RERE: variants seen among roughly 807,000 people sequenced by gnomAD.
RERE encodes arginine-glutamic acid dipeptide repeats protein.
RERE carries 40 observed loss-of-function variants against 146.1 expected under a neutral mutation model. That is an observed-to-expected ratio of 0.27 (90% CI 0.21 to 0.36). RERE has a LOEUF of 0.36. Among genes scored for constraint, RERE ranks in the 10% least tolerant of loss-of-function variants. The pLI, the probability that RERE is intolerant of heterozygous loss-of-function variation, is 1.00. For synonymous variants in RERE, 1,003 were observed against 866.0 expected (o/e 1.16, Z -2.78); for missense variants, 1,933 against 2,138.7 (o/e 0.90, Z 1.90).
chr1:8,806,841 C>T lies in RERE; in HGVS notation c.-145+10319G>A, dbSNP rs114248904. On this transcript the variant is annotated intron_variant, in intron 1 of 22. Transcript: ENST00000400908. ...TGCTTCAGGCTACAATATGAGAGTA[C>T]AATGTGACTAGACTTCAGCTTTGCT... The T allele has an allele frequency of 1.8e-3, 279 of 152,258 alleles. 2 individuals carry two copies. Among genetic ancestry groups the T allele is most frequent in the African/African-American group, 6.5e-3 (270 of 41,544 alleles). 9.4% of individuals were successfully genotyped at this position (152,258 alleles called of 1,614,324 possible).
At chr1:8,488,475 AC>A (rs1254241902) in intron 10 of RERE, among the ~76,000 whole-genome samples, 1 of 152,058 alleles carries the variant, frequency 6.6e-6, no homozygotes, top group African/African-American at 2.4e-5. Flanking sequence ...CAAACTCCTG[AC>A]CTCAGGCGAT....
intron 12 of RERE, among the ~76,000 whole-genome samples, chr1:8,369,829 T>A (rs940786241): frequency 1.2e-4 from 18 of 152,182 alleles, no homozygotes; most frequent in Non-Finnish European, 2.2e-4. Flanking sequence ...TTGCTCTGTC[T>A]CCCAGGCTGG....
intron 1 of RERE, among the ~76,000 whole-genome samples, chr1:8,771,134 G>GA (rs200422927): frequency 6.6e-6 from 1 of 152,110 alleles, no homozygotes; most frequent in Non-Finnish European, 1.5e-5. Context: ...GCTGGGGGGG[G>GA]AAAATGTAAT....
At chr1:8,606,232 G>C (rs1231617842) in intron 4 of RERE, among the ~76,000 whole-genome samples, 1 of 152,038 alleles carries the variant, frequency 6.6e-6, no homozygotes, top group Non-Finnish European at 1.5e-5. Context: ...AGGTGACAAA[G>C]AACATTTTTA....
intron 6 of RERE, among the ~76,000 whole-genome samples, chr1:8,547,234 C>T (rs1645875029): frequency 6.6e-6 from 1 of 151,926 alleles, no homozygotes; most frequent in South Asian, 2.1e-4. Context: ...AACAAAAAAG[C>T]AAGTACAAAA....
chr1:8,428,216 TCTG>T (rs1644044024), intron 11 of RERE, among the ~76,000 whole-genome samples: 1 of 152,194 alleles, frequency 6.6e-6, no homozygotes, highest in African/African-American at 2.4e-5. Context: ...GCTGGGCAGC[TCTG>T]CTGTTTATGC....
intron 11 of RERE, chr1:8,434,827 C>G (rs1429380784): frequency 6.6e-6 from 1 of 152,244 alleles, no homozygotes; most frequent in Non-Finnish European, 1.5e-5. Context: ...CCTAGCTATT[C>G]TAGTCCCCAG....
intron 7 of RERE, among the ~76,000 whole-genome samples, chr1:8,527,937 A>G (rs1176016983): frequency 1.3e-5 from 2 of 152,198 alleles, no homozygotes; most frequent in Non-Finnish European, 1.5e-5. Flanking sequence ...TCAGAAATGC[A>G]GGAGCCCCCG....
intron 1 of RERE, among the ~76,000 whole-genome samples, chr1:8,782,295 C>T (rs963554445): frequency 6.6e-6 from 1 of 152,050 alleles, no homozygotes; most frequent in African/African-American, 2.4e-5. Context: ...TTCCAGGATG[C>T]CATATAATAT....
intron 1 of RERE, chr1:8,703,236 G>C (rs1639493369): frequency 6.6e-6 from 1 of 150,482 alleles, no homozygotes; most frequent in Non-Finnish European, 1.5e-5. Context: ...ACCGCGGCGC[G>C]GGCGCAGGTC....
intron 1 of RERE, among the ~76,000 whole-genome samples, chr1:8,731,809 G>C (rs942465486): frequency 6.8e-6 from 1 of 146,724 alleles, no homozygotes; most frequent in Non-Finnish European, 1.5e-5. Context: ...TGTTTGTTTT[G>C]TTTTGTTTTT....
At chr1:8,501,753 G>C (rs1424496079) in intron 8 of RERE, among the ~76,000 whole-genome samples, 1 of 128,604 alleles carries the variant, frequency 7.8e-6, no homozygotes, top group South Asian at 2.5e-4. Flanking sequence ...CCGTCCGGGA[G>C]GGAGGTGGGG....
intron 12 of RERE, among the ~76,000 whole-genome samples, chr1:8,383,649 A>C (rs1642532651): frequency 2.0e-5 from 3 of 152,112 alleles, no homozygotes; most frequent in Admixed American, 2.0e-4. Flanking sequence ...TCACGAGGTC[A>C]GGAGTTTGAG....
At chr1:8,583,771 C>T (rs905690891) in intron 4 of RERE, among the ~76,000 whole-genome samples, 1 of 151,954 alleles carries the variant, frequency 6.6e-6, no homozygotes, top group Admixed American at 6.5e-5. Context: ...CAGAAAATCA[C>T]AGCAAGCTGC....
At chr1:8,573,257 C>G (rs149997275) in intron 4 of RERE, among the ~76,000 whole-genome samples, 56 of 152,282 alleles carry the variant, frequency 3.7e-4, no homozygotes, top group African/African-American at 1.3e-3. Context: ...GCCTGTGGAA[C>G]CTGCCTACAG....
At chr1:8,475,690 A>G (rs1257383930) in intron 10 of RERE, among the ~76,000 whole-genome samples, 1 of 151,908 alleles carries the variant, frequency 6.6e-6, no homozygotes, top group Admixed American at 6.6e-5. Flanking sequence ...CTCAAGAGAA[A>G]AAAAAAAAAA....
chr1:8,566,990 C>G (rs547467681), intron 4 of RERE, among the ~76,000 whole-genome samples: 1 of 152,088 alleles, frequency 6.6e-6, no homozygotes, highest in South Asian at 2.1e-4. Flanking sequence ...GGGGTTTCAT[C>G]GTGTTAGCCA....
chr1:8,747,310 C>T (rs977110536), intron 1 of RERE, among the ~76,000 whole-genome samples: 1 of 152,008 alleles, frequency 6.6e-6, no homozygotes, highest in Non-Finnish European at 1.5e-5. Context: ...CCTGACTTAA[C>T]TTTTAAAAGG....
chr1:8,523,083 C>T (rs1001961144), intron 7 of RERE, among the ~76,000 whole-genome samples: 2 of 152,054 alleles, frequency 1.3e-5, no homozygotes, highest in Non-Finnish European at 2.9e-5. Context: ...GAGGCTGAGG[C>T]AGGAGAATCA....
Sources: gnomAD v4.1 joint callset for allele counts (sites outside exome capture counted in the v4.1 genomes callset) on GRCh38, gnomAD v4.1.1 for gene constraint, MANE v1.5 for transcripts, NCBI Gene and HGNC (gene_info 2026-07-23, HGNC 2026-07-21) for gene names.